The following BAIAP2 variants were observed in gnomAD, a reference collection of about 807,000 sequenced individuals.
BAIAP2 encodes BAR/IMD domain containing adaptor protein 2, also known as BAR/IMD domain-containing adapter protein 2.
In BAIAP2, 18 loss-of-function variants were observed where a neutral mutation model predicts 63.0. That is an observed-to-expected ratio of 0.29 (90% CI 0.20 to 0.42). BAIAP2 has a LOEUF of 0.42. BAIAP2 is among the 10% of genes least tolerant of loss of function. The pLI is 1.00. For missense variants in BAIAP2, 610 were observed against 734.3 expected, an observed-to-expected ratio of 0.83 and a Z score of 1.96; for synonymous variants, 386 against 307.6, an observed-to-expected ratio of 1.25 and a Z score of -2.67.
At chr17:81,082,632 CAG>C (rs1176058002) in intron 3 of BAIAP2, among the ~76,000 whole-genome samples, 4 of 152,206 alleles carry the variant, frequency 2.6e-5, no homozygotes, top group East Asian at 1.9e-4. Context: ...TGGGTCCCCT[CAG>C]GGGTGCATGA....
chr17:81,116,534 GGC>G lies in BAIAP2; in HGVS notation c.*696_*697del. Reference sequence around the variant, plus strand: ...CCAGGGCCTCCCAGCTCGCTCCTGCGGCCAAAGGCCAGCTGTCAGGTGCTATG... The same window carrying G: ...CCAGGGCCTCCCAGCTCGCTCCTGCGCAAAGGCCAGCTGTCAGGTGCTATG... On this transcript the variant is annotated 3_prime_UTR_variant, in exon 14 of 14. Transcript: ENST00000428708. The G allele has an allele frequency of 3.3e-6, 2 of 599,158 alleles. No homozygotes were observed. Among genetic ancestry groups the G allele is most frequent in the South Asian group, 4.0e-5 (2 of 49,428 alleles). 37.1% of individuals were successfully genotyped at this position (599,158 alleles called of 1,614,324 possible).
At chr17:81,107,083 T>C in intron 12 of BAIAP2, 176 bp downstream of exon 12, 1 of 771,870 alleles carries the variant, frequency 1.3e-6, no homozygotes, top group Non-Finnish European at 1.9e-6. Flanking sequence ...TGCTTCGGCC[T>C]CAGGCTGCCC....
chr17:81,067,506 T>G (rs1410961356), intron 3 of BAIAP2, among the ~76,000 whole-genome samples: 2 of 152,192 alleles, frequency 1.3e-5, no homozygotes, highest in Non-Finnish European at 2.9e-5. Context: ...TGCAGGGAGA[T>G]TAGCAGCCGT....
chr17:81,039,595 C>G (rs931841807), intron 1 of BAIAP2, among the ~76,000 whole-genome samples: 1 of 152,136 alleles, frequency 6.6e-6, no homozygotes, highest in Admixed American at 6.5e-5. Context: ...TGGTACTGCC[C>G]GAGTGGACCT....
chr17:81,090,829 C>T (rs1351884636), intron 6 of BAIAP2, among the ~76,000 whole-genome samples: 3 of 142,522 alleles, frequency 2.1e-5, no homozygotes, highest in Admixed American at 7.6e-5. Flanking sequence ...GCTCCAGGCC[C>T]CTTGCCCCAC....
chr17:81,108,745 C>T (rs1045568436), intron 13 of BAIAP2: 30 of 892,400 alleles, frequency 3.4e-5, no homozygotes, highest in Non-Finnish European at 5.0e-5. Context: ...CCATCCATCC[C>T]TGTCAGGCAA....
chr17:81,065,443 C>G (rs2051294636), intron 3 of BAIAP2, among the ~76,000 whole-genome samples: 2 of 152,194 alleles, frequency 1.3e-5, no homozygotes, highest in African/African-American at 4.8e-5. Context: ...GTGTGGAGAC[C>G]CAAGGGTGGA....
At chr17:81,097,003 C>T (rs544153359) in intron 6 of BAIAP2, among the ~76,000 whole-genome samples, 86 of 152,272 alleles carry the variant, frequency 5.6e-4, no homozygotes, top group African/African-American at 1.9e-3. Flanking sequence ...GAGGCAGCGG[C>T]AGTGGGGGTG....
Position 81,104,505 on chromosome 17 carries a change from T to C in BAIAP2, c.1067-9T>C. The C allele has an allele frequency of 6.3e-7, 1 of 1,584,178 alleles. No individual in the cohort carries two copies. Among genetic ancestry groups the C allele is most frequent in the Non-Finnish European group, 8.6e-7 (1 of 1,160,964 alleles). On this transcript the variant is annotated splice_polypyrimidine_tract_variant and intron_variant, in intron 9 of 13. Transcript: ENST00000428708. The stretch of plus-strand genomic sequence containing the variant: ...GGGCAGTCCCCTTACCTGTCCCTTG[T>C]CCCAGCAGCCGAGAACAAGACTCTG...
At chr17:81,037,097 AG>A (rs1437963819) in intron 1 of BAIAP2, 22 of 767,816 alleles carry the variant, frequency 2.9e-5, no homozygotes, top group Non-Finnish European at 4.0e-5. Context: ...ATCTGCTGGC[AG>A]GAAAACTCTT....
intron 5 of BAIAP2, among the ~76,000 whole-genome samples, chr17:81,086,231 GGGT>G (rs1203982364): frequency 6.6e-6 from 1 of 151,934 alleles, no homozygotes; most frequent in Non-Finnish European, 1.5e-5. Flanking sequence ...CTATGGGGTT[GGGT>G]GGGGTCGGGC....
At chr17:81,063,076 C>T (rs1598592676) in intron 3 of BAIAP2, among the ~76,000 whole-genome samples, 1 of 151,906 alleles carries the variant, frequency 6.6e-6, no homozygotes, top group East Asian at 1.9e-4. Context: ...CCCACAGGAG[C>T]GGGGACCTGA....
chr17:81,095,820 C>G (rs1466670451), intron 6 of BAIAP2, among the ~76,000 whole-genome samples: 2 of 152,182 alleles, frequency 1.3e-5, no homozygotes, highest in Admixed American at 6.5e-5. Flanking sequence ...TACGGGGCTC[C>G]TTTGAGTAAG....
intron 3 of BAIAP2, among the ~76,000 whole-genome samples, chr17:81,058,457 T>C (rs2049997781): frequency 6.6e-6 from 1 of 152,238 alleles, no homozygotes; most frequent in African/African-American, 2.4e-5. Flanking sequence ...CTGTGACGTC[T>C]ATGTCAAGGG....
At chr17:81,038,929 G>T (rs969104491) in intron 1 of BAIAP2, among the ~76,000 whole-genome samples, 1 of 152,210 alleles carries the variant, frequency 6.6e-6, no homozygotes, top group Non-Finnish European at 1.5e-5. Flanking sequence ...GGCACCTGAG[G>T]AGGAGAGAAA....
At position 81,104,678 on chromosome 17, in the gene BAIAP2, G is replaced by A. The variant is rs1181674630; in HGVS notation, c.1231G>A (p.Asp411Asn). ...LITLLVPEAR[D>N]GWHYGESEKT... The stretch of plus-strand genomic sequence containing the variant: ...TACCCTGCTGGTGCCTGAGGCCCGC[G>A]ATGGCTGGCACTACGGAGAGAGTGA... Residue 411 changes from aspartate to asparagine, a missense_variant, in exon 10 of 14, where the codon GAT becomes AAT. Transcript: ENST00000428708. 1 of 1,601,552 alleles carries A rather than the reference G, an allele frequency of 6.2e-7. No homozygotes were observed.
intron 1 of BAIAP2, among the ~76,000 whole-genome samples, chr17:81,050,252 C>G (rs968868992): frequency 6.6e-6 from 1 of 152,240 alleles, no homozygotes; most frequent in Non-Finnish European, 1.5e-5. Context: ...ATCGATGCCT[C>G]TGCCATTGCC....
chr17:81,072,714 G>C (rs561326888), intron 3 of BAIAP2, among the ~76,000 whole-genome samples: 4 of 152,120 alleles, frequency 2.6e-5, no homozygotes, highest in Non-Finnish European at 4.4e-5. Context: ...ACGCTGTCTG[G>C]CAGGCTCTGC....
intron 1 of BAIAP2, among the ~76,000 whole-genome samples, chr17:81,052,777 G>C (rs1420210679): frequency 6.6e-6 from 1 of 152,206 alleles, no homozygotes; most frequent in Non-Finnish European, 1.5e-5. Flanking sequence ...CCCACAGGTT[G>C]GGGCTGGGTG....
Sources: gnomAD v4.1 joint callset for allele counts (sites outside exome capture counted in the v4.1 genomes callset) on GRCh38, gnomAD v4.1.1 for gene constraint, MANE v1.5 for transcripts, NCBI Gene and HGNC (gene_info 2026-07-23, HGNC 2026-07-21) for gene names.